Variants in NEBL observed in about 807,000 individuals in gnomAD.
NEBL encodes the protein LIM and SH3 protein 2.
NEBL carries 122 observed loss-of-function variants against 140.2 expected under a neutral mutation model. The ratio of observed to expected loss-of-function variants is 0.87; its 90% CI spans 0.75 to 1.01. NEBL has a LOEUF of 1.01. NEBL is among the 50% of genes least tolerant of loss of function. The pLI, the probability that NEBL is intolerant of heterozygous loss-of-function variation, is 0.00. For synonymous variants in NEBL, 436 were observed against 398.9 expected (o/e 1.09, Z -1.11); for missense variants, 1,365 against 1,231.3 (o/e 1.11, Z -1.62).
intron 5 of NEBL, among the ~76,000 whole-genome samples, chr10:20,872,809 C>T (rs1340078498): frequency 6.6e-6 from 1 of 152,150 alleles, no homozygotes; most frequent in Non-Finnish European, 1.5e-5. Flanking sequence ...TTTACAAGTG[C>T]CCATGGCAAC....
intron 3 of NEBL, among the ~76,000 whole-genome samples, chr10:21,185,153 C>T (rs1198956278): frequency 1.3e-5 from 2 of 152,154 alleles, no homozygotes; most frequent in Non-Finnish European, 1.5e-5. Context: ...AAGTAATGAC[C>T]AGTCCTCAGG....
intron 2 of NEBL, among the ~76,000 whole-genome samples, chr10:21,115,067 T>C (rs1159966281): frequency 3.3e-5 from 5 of 151,996 alleles, no homozygotes; most frequent in Admixed American, 3.3e-4. Flanking sequence ...TCTCTTTATA[T>C]TGTTTCTTTA....
chr10:20,946,131 C>A (rs1009448125), intron 4 of NEBL, among the ~76,000 whole-genome samples: 4 of 152,074 alleles, frequency 2.6e-5, no homozygotes, highest in African/African-American at 7.2e-5. Flanking sequence ...ATTGACAGGC[C>A]CCTGCTTGAG....
chr10:20,925,601 A>T (rs184910248), intron 4 of NEBL, among the ~76,000 whole-genome samples: 2 of 152,194 alleles, frequency 1.3e-5, no homozygotes, highest in East Asian at 3.9e-4. Context: ...AAGCAATCTG[A>T]TTTCACACTA....
intron 4 of NEBL, among the ~76,000 whole-genome samples, chr10:20,954,254 T>C (rs1407986644): frequency 2.0e-5 from 3 of 152,194 alleles, no homozygotes; most frequent in Non-Finnish European, 2.9e-5. Context: ...CACTGTAAGA[T>C]GAAATTCACA....
At chr10:20,858,447 T>G (rs1356748330) in intron 8 of NEBL, 103 bp from the exon 9 acceptor site, 2 of 951,586 alleles carry the variant, frequency 2.1e-6, no homozygotes, top group Non-Finnish European at 3.3e-6. Context: ...TATTTAGTGG[T>G]AAATGGACAG....
chr10:20,904,714 G>A (rs924093537), intron 4 of NEBL, among the ~76,000 whole-genome samples: 2 of 152,140 alleles, frequency 1.3e-5, no homozygotes, highest in Non-Finnish European at 2.9e-5. Flanking sequence ...CACCACAGCC[G>A]CAAGTTCTTG....
intron 7 of NEBL, among the ~76,000 whole-genome samples, chr10:20,860,949 A>C (rs1044627113): frequency 6.6e-6 from 1 of 152,142 alleles, no homozygotes; most frequent in African/African-American, 2.4e-5. Flanking sequence ...GTTTACAGGG[A>C]ATATTTTCTG....
intron 3 of NEBL, among the ~76,000 whole-genome samples, chr10:20,981,165 G>A (rs1449467817): frequency 3.3e-5 from 5 of 152,062 alleles, no homozygotes; most frequent in African/African-American, 9.7e-5. Context: ...GTCTTACAAC[G>A]TAGTACCTGG....
chr10:21,270,085 A>G (rs1189669181), intron 1 of NEBL, among the ~76,000 whole-genome samples: 2 of 152,358 alleles, frequency 1.3e-5, no homozygotes, highest in Admixed American at 6.5e-5. Context: ...GAATTTAACC[A>G]CAACTGTACT....
Position 21,103,012 on chromosome 10 carries a change from G to T in NEBL, c.164+69371C>A, listed in dbSNP as rs184598704. On this transcript the variant is annotated intron_variant, in intron 2 of 6. Coordinates refer to the NEBL transcript ENST00000417816. ...TTCCAGACAGGCCCCAGTGCATATT[G>T]TTCCCCTCCTTGTGTCCATGGCACA... Among the ~76,000 whole-genome samples the T allele has an allele frequency of 1.2e-4, 15 of 129,810 alleles. No individual in the cohort carries two copies. The East Asian group carries it at 2.5e-3, about 21-fold the overall frequency. 85.2% of individuals were successfully genotyped at this position (129,810 alleles called of 152,430 possible).
At chr10:21,064,862 T>C (rs1336144186) in intron 2 of NEBL, among the ~76,000 whole-genome samples, 3 of 149,516 alleles carry the variant, frequency 2.0e-5, no homozygotes, top group Admixed American at 6.6e-5. Context: ...AGACAGATCA[T>C]AAAAAGCAAT....
At chr10:20,945,051 G>T (rs1835087753) in intron 4 of NEBL, among the ~76,000 whole-genome samples, 1 of 152,124 alleles carries the variant, frequency 6.6e-6, no homozygotes, top group Admixed American at 6.5e-5. Context: ...ATACTTTTTA[G>T]TTACTCTTCA....
intron 4 of NEBL, among the ~76,000 whole-genome samples, chr10:20,922,503 G>T (rs1833641547): frequency 6.6e-6 from 1 of 152,176 alleles, no homozygotes; most frequent in Non-Finnish European, 1.5e-5. Context: ...AACCAACCTT[G>T]ACAGAAAAAT....
chr10:21,147,550 A>G (rs768820628), intron 2 of NEBL, among the ~76,000 whole-genome samples: 4 of 152,138 alleles, frequency 2.6e-5, no homozygotes, highest in Non-Finnish European at 5.9e-5. Flanking sequence ...GATTCCAGAA[A>G]GACTTCAATG....
chr10:20,847,273 T>C (rs562433626), intron 11 of NEBL, among the ~76,000 whole-genome samples: 10 of 152,172 alleles, frequency 6.6e-5, no homozygotes, highest in Admixed American at 3.3e-4. Context: ...ACTGAAAGAT[T>C]TCACTCTCCT....
intron 2 of NEBL, among the ~76,000 whole-genome samples, chr10:20,891,805 AG>A (rs1194823828): frequency 6.6e-6 from 1 of 152,208 alleles, no homozygotes; most frequent in Non-Finnish European, 1.5e-5. Context: ...ATTTGTTAGA[AG>A]TCACACACAA....
chr10:20,858,222 G>A lies in NEBL; in HGVS notation c.903+18C>T, dbSNP rs993846016. 2.0e-5 allele frequency: 31 copies of A among 1,563,052 alleles called. No homozygotes were observed. In the Middle Eastern group the frequency reaches 6.7e-4, roughly 34 times the overall value. The stretch of plus-strand genomic sequence containing the variant: ...GAGCCACAAGGCAACTACGGTTGCC[G>A]CTAGATGAACCACTTACGCCGCTGA... On this transcript the variant is annotated intron_variant, in intron 9 of 27. Coordinates refer to ENST00000377122, the MANE Select transcript of NEBL (RefSeq NM_006393.3).
chr10:21,012,094 T>C (rs1838362548), intron 3 of NEBL, among the ~76,000 whole-genome samples: 3 of 152,300 alleles, frequency 2.0e-5, no homozygotes, highest in Middle Eastern at 3.4e-3. Flanking sequence ...CCAACTTTCA[T>C]CTCTGAGCCT....
Sources: gnomAD v4.1 joint callset for allele counts (sites outside exome capture counted in the v4.1 genomes callset) on GRCh38, gnomAD v4.1.1 for gene constraint, MANE v1.5 for transcripts, NCBI Gene and HGNC (gene_info 2026-07-23, HGNC 2026-07-21) for gene names.